SIPA1: variants seen among roughly 807,000 people sequenced by gnomAD.
The protein encoded by SIPA1 is signal-induced proliferation-associated 1.
A neutral mutation model predicts 88.1 loss-of-function variants in SIPA1; 51 were observed. That is an observed-to-expected ratio of 0.58 (90% CI 0.46 to 0.73). The LOEUF is 0.73. SIPA1 is among the 30% of genes least tolerant of loss of function. The pLI is 0.00. For synonymous variants in SIPA1, 681 were observed against 664.8 expected, an observed-to-expected ratio of 1.02 and a Z score of -0.37; for missense variants, 1,348 against 1,467.6, an observed-to-expected ratio of 0.92 and a Z score of 1.33.
At position 65,649,566 on chromosome 11, in the gene SIPA1, T is replaced by C. The variant is rs142586227; in HGVS notation, c.2531T>C (p.Leu844Pro). 3 of 1,614,090 alleles carry C rather than the reference T, an allele frequency of 1.9e-6. No individual in the cohort carries two copies. The highest frequency in any genetic ancestry group is 2.5e-6 in the Non-Finnish European group (3 of 1,180,006). The change falls in exon 11 of 16, where the codon CTG becomes CCG. Residue 844 changes from leucine to proline, a missense_variant. Leu to Pro is a moderately conservative substitution (Grantham distance 98). Transcript: ENST00000534313. ...GCCACCCCTGCTCTCCCCAGCTCTC[T>C]GTCGGATGAGGCCCCAGTCCTGCCC... ...SQNSLSPRSS[L>P]SDEAPVLPNT...
chr11:65,644,905 G>C (rs1856077002), intron 4 of SIPA1, 50 bp from the exon 5 acceptor site: 2 of 1,559,256 alleles, frequency 1.3e-6, no homozygotes, highest in Admixed American at 3.5e-5. Context: ...GAGCTGGTGG[G>C]GTGGGGCTGC....
Position 65,650,071 on chromosome 11 carries a change from G to A in SIPA1, c.2848+20G>A. The A allele has an allele frequency of 6.2e-7, 1 of 1,613,024 alleles. No homozygotes were observed. The highest frequency in any genetic ancestry group is 8.5e-7 in the Non-Finnish European group (1 of 1,179,114). On this transcript the variant is annotated intron_variant, in intron 13 of 15. Transcript: ENST00000534313. ...GAGAGGGTGAGGCCACCAGGGTGCT[G>A]CGGTAAGCCTGGGCAGTGCTCTTGC...
In SIPA1 at chr11:65,645,873, C is replaced by T; in HGVS notation, c.1179C>T (p.His393=). ...LDTKTDSTGT[H]SLYTTYQDHE... ...CCACAGCGGATTCCACAGGCACGCA[C>T]TCCCTCTACACCACATACCAGGACC... The change falls in exon 6 of 16, where the codon CAC becomes CAT. Residue 393 remains histidine, a synonymous_variant. Coordinates refer to ENST00000534313, the MANE Select transcript of SIPA1 (RefSeq NM_006747.4). The T allele has an allele frequency of 6.2e-7, 1 of 1,612,846 alleles. No individual in the cohort carries two copies. The highest frequency in any genetic ancestry group is 8.5e-7 in the Non-Finnish European group (1 of 1,179,158).
chr11:65,649,051 G>C (rs1468273508), intron 9 of SIPA1: 1 of 517,968 alleles, frequency 1.9e-6, no homozygotes, highest in Non-Finnish European at 3.5e-6. Flanking sequence ...GATGTTCAGA[G>C]TGATTTGCTT....
In SIPA1 at chr11:65,647,556, C is replaced by A. The variant is rs1182071604; in HGVS notation, c.2204C>A (p.Thr735Asn). 1 of 1,332,604 alleles carries A rather than the reference C, an allele frequency of 7.5e-7. No homozygotes were observed. Among genetic ancestry groups the A allele is most frequent in the South Asian group, 1.7e-5 (1 of 58,658 alleles). The allele number at this position is 1,332,604 out of a possible 1,614,324, so 82.5% of individuals were successfully genotyped here. The change falls in exon 9 of 16, where the codon ACT becomes AAT. Residue 735 changes from threonine to asparagine, a missense_variant. Physicochemically the swap from Thr to Asn is moderately conservative, Grantham distance 65 (BLOSUM62 0). Transcript: ENST00000534313. ...GARLLRVCGQTLPSLRPEAAA... is the reference protein window; with the variant it reads ...GARLLRVCGQNLPSLRPEAAA... ...CGCCTCCTGCGCGTGTGCGGCCAGA[C>A]TCTGCCCAGCCTCCGGCCCGAGGCC...
chr11:65,645,464 G>A (rs1856093397), intron 5 of SIPA1, among the ~76,000 whole-genome samples: 1 of 152,072 alleles, frequency 6.6e-6, no homozygotes, highest in African/African-American at 2.4e-5. Flanking sequence ...ACCCCTGGGA[G>A]GTGTTGTACT....
chr11:65,647,274 C>T lies in SIPA1; in HGVS notation c.2032-110C>T, dbSNP rs1381593475. 6 of 1,370,716 alleles carry T rather than the reference C, an allele frequency of 4.4e-6. No homozygotes were observed. The African/African-American group carries it at 9.1e-5, about 21-fold the overall frequency. The allele number at this position is 1,370,716 out of a possible 1,614,324, so 84.9% of individuals were successfully genotyped here. A position where few individuals can be genotyped will look rare whatever the true frequency, so the allele number is the denominator to read the frequency against. On this transcript the variant is annotated intron_variant, in intron 8 of 15. Coordinates refer to ENST00000534313, the MANE Select transcript of SIPA1 (RefSeq NM_006747.4). ...CCCTCGGGCGGTGGCACACGCGGCC[C>T]TCGGGGACTGTGGAAAGTTCCGTGT...
chr11:65,639,115 T>G (rs955727460), intron 1 of SIPA1: 1 of 152,244 alleles, frequency 6.6e-6, no homozygotes, highest in African/African-American at 2.4e-5. Flanking sequence ...CCAATTTTTT[T>G]CTTTGTTTTT....
intron 9 of SIPA1, among the ~76,000 whole-genome samples, chr11:65,649,039 T>G (rs920503492): frequency 6.6e-6 from 1 of 152,264 alleles, no homozygotes; most frequent in East Asian, 1.9e-4. Context: ...GATGGAGAAA[T>G]TGATGTTCAG....
intron 9 of SIPA1, among the ~76,000 whole-genome samples, chr11:65,648,365 A>G (rs780760679): frequency 3.9e-5 from 6 of 152,270 alleles, no homozygotes; most frequent in Admixed American, 1.3e-4. Context: ...TGGCCAAATA[A>G]TAAATATTTT....
intron 1 of SIPA1, chr11:65,639,055 ATTC>A (rs1487538224): frequency 2.0e-5 from 3 of 152,334 alleles, no homozygotes; most frequent in African/African-American, 7.2e-5. Context: ...CACTCACCTC[ATTC>A]TTCTCAGTCT....
rs1369385419 is a variant in SIPA1 at position 65,642,232 on chromosome 11, T to C, written c.680-18T>C. 1 of 1,549,624 alleles carries C rather than the reference T, an allele frequency of 6.5e-7. No individual in the cohort carries two copies. The highest frequency in any genetic ancestry group is 1.2e-5 in the South Asian group (1 of 83,866). Reference sequence around the variant, plus strand: ...CCAGAGGGCGGGACCAATCGTTTTCTTCGGCGCGGTCCCCCAGAACATCAG... The same window carrying C: ...CCAGAGGGCGGGACCAATCGTTTTCCTCGGCGCGGTCCCCCAGAACATCAG... On this transcript the variant is annotated intron_variant, in intron 2 of 15. Coordinates refer to ENST00000534313, the MANE Select transcript of SIPA1 (RefSeq NM_006747.4). This position sits in a 1 kb window ranked among gnomAD's most constrained non-coding sequence, Gnocchi z 6.5.
Position 65,649,299 on chromosome 11 carries a change from C to G in SIPA1, c.2344C>G (p.Pro782Ala), listed in dbSNP as rs1343526277. Residue 782 changes from proline to alanine, a missense_variant, in exon 10 of 16, where the codon CCT (proline) becomes GCT (alanine). Pro to Ala is a conservative substitution (Grantham distance 27). Coordinates refer to ENST00000534313, the MANE Select transcript of SIPA1 (RefSeq NM_006747.4). ...GCTGTACACGCTGTCGCTGCAGGAG[C>G]CTAGCCGGCGGGGGGCCCCAGATCC... Reference protein sequence around the residue: ...SELYTLSLQEPSRRGAPDPVQ... With the variant: ...SELYTLSLQEASRRGAPDPVQ... The G allele has an allele frequency of 2.6e-6, 4 of 1,553,270 alleles. No homozygotes were observed. The African/African-American group carries it at 4.1e-5, about 16-fold the overall frequency.
Position 65,641,337 on chromosome 11 carries a change from C to CA in SIPA1, c.417dup (p.Glu140ArgfsTer29). The CA allele has an allele frequency of 6.2e-7, 1 of 1,613,490 alleles. No homozygotes were observed. The highest frequency in any genetic ancestry group is 1.1e-5 in the South Asian group (1 of 91,082). On this transcript the variant is annotated frameshift_variant, in exon 2 of 16. Coordinates refer to ENST00000534313, the MANE Select transcript of SIPA1 (RefSeq NM_006747.4). LOFTEE classifies it high-confidence loss of function. The stretch of plus-strand genomic sequence containing the variant: ...AGGTCTCAGGGGATGGGGAGCCACT[C>CA]AGAGGCCAGCTCTGGGACCCTGGCT...
intron 4 of SIPA1, among the ~76,000 whole-genome samples, chr11:65,643,086 T>G (rs1856041993): frequency 6.6e-6 from 1 of 152,052 alleles, no homozygotes; most frequent in Admixed American, 6.6e-5. Flanking sequence ...CAGCTAATTT[T>G]TGTATTTGTA....
Position 65,642,034 on chromosome 11 carries a change from G to C in SIPA1, c.680-216G>C. ...AAGGCAGGATTTAGGCCTGGGAGCT[G>C]GCCGCGTGGGTCTAGGTCTGGGTCT... is the stretch of plus-strand genomic sequence containing the variant. On this transcript the variant is annotated intron_variant, in intron 2 of 15. Coordinates refer to ENST00000534313, the MANE Select transcript of SIPA1 (RefSeq NM_006747.4). This position sits in a 1 kb window ranked among gnomAD's most constrained non-coding sequence, Gnocchi z 6.5. The C allele has an allele frequency of 1.6e-6, 1 of 629,460 alleles. No homozygotes were observed. The highest frequency in any genetic ancestry group is 2.6e-6 in the Non-Finnish European group (1 of 378,252). The allele number at this position is 629,460 out of a possible 1,614,324, so 39.0% of individuals were successfully genotyped here.
rs1220766876 is a variant in SIPA1, at chr11:65,650,047, A to G, written c.2844A>G (p.Arg948=). ...ACACCATTCTGGAGTCGCTGTCCCG[A>G]GAGGGTGAGGCCACCAGGGTGCTGC... ...TCNTILESLS[R]EGQPIPESGD... The change falls in exon 13 of 16, where the codon CGA becomes CGG. Residue 948 remains arginine (R), a synonymous_variant. Coordinates refer to ENST00000534313, the MANE Select transcript of SIPA1 (RefSeq NM_006747.4). 6.2e-7 allele frequency: 1 copy of G among 1,613,768 alleles called. No individual in the cohort carries two copies. Among genetic ancestry groups the G allele is most frequent in the East Asian group, 2.2e-5 (1 of 44,884 alleles).
Position 65,645,938 on chromosome 11 carries a change from C to T in SIPA1, c.1244C>T (p.Thr415Ile). 1 of 1,612,420 alleles carries T rather than the reference C, an allele frequency of 6.2e-7. No homozygotes were observed. The highest frequency in any genetic ancestry group is 8.5e-7 in the Non-Finnish European group (1 of 1,179,014). ...MFHVSTMLPYTPNNQQQLLRK... is the reference protein window; with the variant it reads ...MFHVSTMLPYIPNNQQQLLRK... ...CACGTGTCCACGATGCTGCCTTACACCCCTAATAACCAGCAGCAGGTGTGA... is the reference window on the plus strand; with the variant it reads ...CACGTGTCCACGATGCTGCCTTACATCCCTAATAACCAGCAGCAGGTGTGA... Residue 415 changes from threonine to isoleucine, a missense_variant, in exon 6 of 16, where the codon ACC becomes ATC. Thr to Ile is a moderately conservative substitution (Grantham distance 89). Around this residue, in one of 4 missense-constraint regions of SIPA1, gnomAD observed 641 missense variants for 797.7 expected, o/e 0.80. Coordinates refer to ENST00000534313, the MANE Select transcript of SIPA1 (RefSeq NM_006747.4).
At chr11:65,645,543 C>T (rs1856094552) in intron 5 of SIPA1, among the ~76,000 whole-genome samples, 1 of 152,070 alleles carries the variant, frequency 6.6e-6, no homozygotes, top group Non-Finnish European at 1.5e-5. Context: ...TGACACCTGT[C>T]CTCCTAGGAC....
Sources: allele counts gnomAD v4.1 joint callset (sites outside exome capture counted in the v4.1 genomes callset), GRCh38; gene constraint gnomAD v4.1.1; regional missense constraint gnomAD v4.1.1; non-coding constraint Gnocchi (gnomAD v3.1); transcripts MANE v1.5; gene names NCBI Gene and HGNC (gene_info 2026-07-23, HGNC 2026-07-21).